TCF4: variants seen among roughly 807,000 people sequenced by gnomAD.
TCF4 encodes transcription factor 4, also known as SL3-3 enhancer factor 2.
In TCF4, 3 loss-of-function variants were observed where a neutral mutation model predicts 82.1. That is an observed-to-expected ratio of 0.04 (90% CI 0.02 to 0.09). The LOEUF is 0.09. TCF4 is among the 10% of genes least tolerant of loss of function. The pLI is 1.00. For synonymous variants in TCF4, 276 were observed against 309.6 expected, an observed-to-expected ratio of 0.89 and a Z score of 1.14; for missense variants, 518 against 852.7, an observed-to-expected ratio of 0.61 and a Z score of 4.89.
intron 10 of TCF4, 24 bp from the exon 11 acceptor site, chr18:55,269,987 T>A: frequency 6.2e-7 from 1 of 1,612,688 alleles, no homozygotes; most frequent in Non-Finnish European, 8.5e-7. Context: ...CAGAAAAAGG[T>A]GGCCATATTT....
intron 10 of TCF4, among the ~76,000 whole-genome samples, chr18:55,270,258 G>C (rs556939264): frequency 2.0e-5 from 3 of 152,164 alleles, no homozygotes; most frequent in African/African-American, 7.2e-5. Context: ...ATCATCTCCA[G>C]GGTTTCGGCA....
At chr18:55,587,593 C>T (rs1303166512) in intron 1 of TCF4, among the ~76,000 whole-genome samples, 1 of 151,480 alleles carries the variant, frequency 6.6e-6, no homozygotes, top group African/African-American at 2.4e-5. Context: ...CACACTCACA[C>T]TCGCACACGC....
At chr18:55,505,600 C>A (rs999438102) in intron 3 of TCF4, among the ~76,000 whole-genome samples, 3 of 151,622 alleles carry the variant, frequency 2.0e-5, no homozygotes, top group African/African-American at 7.3e-5. Flanking sequence ...GTCAGGAGAT[C>A]GAGACCATCC....
intron 8 of TCF4, among the ~76,000 whole-genome samples, chr18:55,310,033 A>G (rs570872044): frequency 2.3e-4 from 35 of 152,314 alleles, no homozygotes; most frequent in Admixed American, 3.9e-4. Context: ...TCAGTTGCTC[A>G]CTTTGAGTAC....
At chr18:55,279,765 A>G (rs1363254315) in intron 8 of TCF4, 109 bp from the exon 9 acceptor site, 1 of 1,525,786 alleles carries the variant, frequency 6.6e-7, no homozygotes, top group African/African-American at 1.4e-5. Flanking sequence ...TACCCTTTCC[A>G]GTTTAAATCT....
chr18:55,374,284 T>G (rs1246384580), intron 6 of TCF4, among the ~76,000 whole-genome samples: 2 of 151,382 alleles, frequency 1.3e-5, no homozygotes, highest in African/African-American at 4.9e-5. Context: ...TAATAAAATT[T>G]AAAATTTACT....
intron 5 of TCF4, chr18:55,403,948 C>G (rs2093961640): frequency 1.5e-6 from 2 of 1,341,084 alleles, no homozygotes; most frequent in Non-Finnish European, 1.9e-6. Flanking sequence ...CAATCACAGG[C>G]TCTCCAGATG....
chr18:55,401,758 G>A, intron 6 of TCF4: 1 of 985,930 alleles, frequency 1.0e-6, no homozygotes, highest in Non-Finnish European at 1.2e-6. Flanking sequence ...CTTTGTGTCT[G>A]TGAGGAATCA....
upstream of TCF4, chr18:55,589,893 CA>C (rs1233779118): frequency 1.0e-6 from 1 of 967,772 alleles, no homozygotes; most frequent in East Asian, 9.3e-5. Context: ...GAGTGGTAAA[CA>C]GAGCGCCTAG....
At chr18:55,511,542 TAAC>T (rs2096829393) in intron 3 of TCF4, among the ~76,000 whole-genome samples, 1 of 152,148 alleles carries the variant, frequency 6.6e-6, no homozygotes, top group African/African-American at 2.4e-5. Flanking sequence ...CCAAGTACTT[TAAC>T]AACAGAGTTC....
At chr18:55,541,556 G>T (rs552141671) in intron 3 of TCF4, among the ~76,000 whole-genome samples, 2 of 151,838 alleles carry the variant, frequency 1.3e-5, no homozygotes, top group Non-Finnish European at 2.9e-5. Context: ...TATATCCTAA[G>T]CATATTTCTC....
chr18:55,618,031 T>C (rs1305624672), intron 2 of TCF4, among the ~76,000 whole-genome samples: 1 of 152,152 alleles, frequency 6.6e-6, no homozygotes, highest in East Asian at 1.9e-4. Context: ...GTCCTAATCT[T>C]AGAGGAAAAG....
chr18:55,438,807 T>C lies in TCF4; in HGVS notation c.304+22212A>G, dbSNP rs9952539. On this transcript the variant is annotated intron_variant, in intron 5 of 19. Transcript: ENST00000354452. The stretch of plus-strand genomic sequence containing the variant: ...CTCCAGTCCCACACAGCTGTTACAG[T>C]AGTATCTGAAGGTGAGAAGAAGGGA... Among the ~76,000 whole-genome samples the C allele has an allele frequency of 3.9e-3, 589 of 152,174 alleles. 2 individuals carry two copies. The highest frequency in any genetic ancestry group is 0.013 in the African/African-American group (558 of 41,570).
At chr18:55,229,196 CA>C in intron 17 of TCF4, 120 bp from the exon 18 acceptor site, 1 of 1,144,130 alleles carries the variant, frequency 8.7e-7, no homozygotes, top group Non-Finnish European at 1.3e-6. Flanking sequence ...ATGTTTTTGG[CA>C]GAATTTTTAT....
At chr18:55,556,111 T>A (rs1049089048) in intron 3 of TCF4, among the ~76,000 whole-genome samples, 4 of 152,240 alleles carry the variant, frequency 2.6e-5, no homozygotes, top group Non-Finnish European at 4.4e-5. Context: ...TTAATTTGTA[T>A]CATTAATAGT....
intron 3 of TCF4, among the ~76,000 whole-genome samples, chr18:55,530,165 G>A (rs1225263914): frequency 2.0e-5 from 3 of 152,136 alleles, no homozygotes; most frequent in African/African-American, 4.8e-5. Flanking sequence ...AAAATTGAAC[G>A]GCAATTGTGG....
intron 3 of TCF4, among the ~76,000 whole-genome samples, chr18:55,573,047 C>T (rs1301458897): frequency 6.6e-6 from 1 of 151,638 alleles, no homozygotes; most frequent in Non-Finnish European, 1.5e-5. Flanking sequence ...GAGCTTAACT[C>T]CGTCTCAAAA....
chr18:55,275,813 G>C (rs2061411731), intron 9 of TCF4, 61 bp from the exon 10 acceptor site: 2 of 1,607,966 alleles, frequency 1.2e-6, no homozygotes, highest in African/African-American at 2.7e-5. Flanking sequence ...TATAGAATAG[G>C]GTTTTTTCAT....
At chr18:55,401,818 T>C in intron 6 of TCF4, 5 of 981,702 alleles carry the variant, frequency 5.1e-6, no homozygotes, top group Non-Finnish European at 6.1e-6. Context: ...AAGCCTATTC[T>C]CTCAATGACC....
Sources: gnomAD v4.1 joint callset for allele counts (sites outside exome capture counted in the v4.1 genomes callset) on GRCh38, gnomAD v4.1.1 for gene constraint, MANE v1.5 for transcripts, NCBI Gene and HGNC (gene_info 2026-07-23, HGNC 2026-07-21) for gene names.